The following RAB2A variants were observed in gnomAD, a reference collection of about 807,000 sequenced individuals.
RAB2A encodes the protein RAB2A, member RAS oncogene family.
In RAB2A, 7 loss-of-function variants were observed where a neutral mutation model predicts 32.5. The observed-to-expected ratio is 0.22, with a 90% CI of 0.12 to 0.40. The LOEUF (loss-of-function observed/expected upper bound fraction) is 0.40. Ranked by LOEUF, RAB2A falls within the 10% of genes least tolerant of loss-of-function variation. The pLI is 1.00. For synonymous variants in RAB2A, 79 were observed against 85.2 expected, an observed-to-expected ratio of 0.93 and a Z score of 0.40; for missense variants, 108 against 260.7, an observed-to-expected ratio of 0.41 and a Z score of 4.03.
At chr8:60,546,220 C>A (rs1427439195) in intron 1 of RAB2A, among the ~76,000 whole-genome samples, 2 of 152,204 alleles carry the variant, frequency 1.3e-5, no homozygotes, top group African/African-American at 2.4e-5. Context: ...TCTCCAAAGT[C>A]TCAGGGTAAT....
intron 1 of RAB2A, among the ~76,000 whole-genome samples, chr8:60,548,300 G>A (rs1236255532): frequency 1.7e-4 from 1 of 5,716 alleles, no homozygotes; most frequent in Admixed American, 6.7e-4. Context: ...GCGGCTGGCC[G>A]GGCAGAGTGG....
chr8:60,582,704 G>A (rs963103037), intron 3 of RAB2A, among the ~76,000 whole-genome samples: 1 of 152,086 alleles, frequency 6.6e-6, no homozygotes, highest in African/African-American at 2.4e-5. Context: ...GTAGAGACGG[G>A]GTTTTGCCAT....
At chr8:60,577,212 A>AT (rs1022024823) in intron 3 of RAB2A, among the ~76,000 whole-genome samples, 68 of 147,502 alleles carry the variant, frequency 4.6e-4, no homozygotes, top group African/African-American at 9.2e-4. Flanking sequence ...CTCCCAGCTA[A>AT]TTTTTTTTTT....
At chr8:60,518,921 A>G (rs1807257429) in intron 1 of RAB2A, among the ~76,000 whole-genome samples, 1 of 152,170 alleles carries the variant, frequency 6.6e-6, no homozygotes, top group Non-Finnish European at 1.5e-5. Context: ...TGAAAATTCA[A>G]ATCAGACTTT....
chr8:60,530,005 C>G (rs915463494), intron 1 of RAB2A, among the ~76,000 whole-genome samples: 1 of 152,132 alleles, frequency 6.6e-6, no homozygotes, highest in Non-Finnish European at 1.5e-5. Context: ...GGGTCTTGCT[C>G]TGTCACCCAG....
At chr8:60,595,703 G>A (rs371001701) in intron 6 of RAB2A, among the ~76,000 whole-genome samples, 2 of 152,156 alleles carry the variant, frequency 1.3e-5, no homozygotes, top group Non-Finnish European at 2.9e-5. Context: ...AAACATGCGT[G>A]TACCAGATAT....
At chr8:60,601,748 A>G (rs193252128) in intron 6 of RAB2A, among the ~76,000 whole-genome samples, 91 of 152,358 alleles carry the variant, frequency 6.0e-4, no homozygotes, top group African/African-American at 2.1e-3. Flanking sequence ...TTCATTCACA[A>G]TGTCCACATG....
chr8:60,602,491 A>G (rs1014387278), intron 6 of RAB2A, among the ~76,000 whole-genome samples: 3 of 152,230 alleles, frequency 2.0e-5, no homozygotes, highest in Non-Finnish European at 4.4e-5. Context: ...ATTTGGGATC[A>G]AGGAAGACTA....
At chr8:60,560,241 C>T (rs548099917) in intron 2 of RAB2A, among the ~76,000 whole-genome samples, 11 of 152,188 alleles carry the variant, frequency 7.2e-5, no homozygotes, top group Admixed American at 2.6e-4. Flanking sequence ...GCGTGCACTA[C>T]CATGCCTGGC....
intron 1 of RAB2A, among the ~76,000 whole-genome samples, chr8:60,522,758 A>T (rs1203209529): frequency 6.6e-6 from 1 of 152,114 alleles, no homozygotes; most frequent in African/African-American, 2.4e-5. Context: ...AGGGGATTAG[A>T]TTCTCAATAG....
intron 6 of RAB2A, among the ~76,000 whole-genome samples, chr8:60,608,059 G>A (rs189131242): frequency 1.4e-3 from 219 of 152,054 alleles, no homozygotes; most frequent in Middle Eastern, 3.4e-3. Flanking sequence ...GGTCATCCTG[G>A]TCTTCCTAAA....
At chr8:60,548,650 C>G (rs1049578070) in intron 1 of RAB2A, among the ~76,000 whole-genome samples, 1 of 146,936 alleles carries the variant, frequency 6.8e-6, no homozygotes, top group East Asian at 2.1e-4. Context: ...GGCTGACCCC[C>G]CCACCTCCCT....
At chr8:60,517,834 C>G (rs1320737199) in intron 1 of RAB2A, among the ~76,000 whole-genome samples, 1 of 151,968 alleles carries the variant, frequency 6.6e-6, no homozygotes, top group Non-Finnish European at 1.5e-5. Context: ...TTTTTTAACA[C>G]CTTCAACTCT....
chr8:60,543,638 A>C (rs1213287263), intron 1 of RAB2A, among the ~76,000 whole-genome samples: 1 of 152,202 alleles, frequency 6.6e-6, no homozygotes, highest in Admixed American at 6.5e-5. Context: ...TTATCTATTC[A>C]ATTTACTACA....
chr8:60,587,646 C>CA (rs1307420769), intron 5 of RAB2A, among the ~76,000 whole-genome samples: 1 of 152,020 alleles, frequency 6.6e-6, no homozygotes, highest in East Asian at 1.9e-4. Context: ...GTTCTCACCA[C>CA]AAAAAACGAT....
intron 6 of RAB2A, among the ~76,000 whole-genome samples, chr8:60,614,666 T>TACA (rs536012587): frequency 4.9e-4 from 75 of 152,348 alleles, no homozygotes; most frequent in African/African-American, 1.7e-3. Flanking sequence ...CTTTTGTGGT[T>TACA]ACGGTTGTTT....
At chr8:60,564,988 A>G (rs1808081844) in intron 2 of RAB2A, among the ~76,000 whole-genome samples, 2 of 152,262 alleles carry the variant, frequency 1.3e-5, no homozygotes, top group South Asian at 4.1e-4. Flanking sequence ...GTTTACAAAT[A>G]AGGCACAGCC....
intron 3 of RAB2A, among the ~76,000 whole-genome samples, chr8:60,574,589 A>G (rs538692275): frequency 8.5e-5 from 13 of 152,328 alleles, no homozygotes; most frequent in African/African-American, 2.9e-4. Context: ...TTGTTCTTCT[A>G]TTCTTAAAGT....
At chr8:60,561,457 G>T (rs11988528) in intron 2 of RAB2A, among the ~76,000 whole-genome samples, 1 of 151,992 alleles carries the variant, frequency 6.6e-6, no homozygotes, top group Non-Finnish European at 1.5e-5. Context: ...CCAGAGCTCA[G>T]AGCTCTTAAG....
Sources: gnomAD v4.1 joint callset for allele counts (sites outside exome capture counted in the v4.1 genomes callset) on GRCh38, gnomAD v4.1.1 for gene constraint, MANE v1.5 for transcripts, NCBI Gene and HGNC (gene_info 2026-07-23, HGNC 2026-07-21) for gene names.